NOL9: variants seen among roughly 807,000 people sequenced by gnomAD.
The protein encoded by NOL9 is nucleolar protein 9.
A neutral mutation model predicts 67.9 loss-of-function variants in NOL9; 28 were observed. The ratio of observed to expected loss-of-function variants is 0.41; its 90% CI spans 0.31 to 0.57. The LOEUF is 0.57. NOL9 is among the 20% of genes least tolerant of loss of function. The pLI is 0.25. For missense variants in NOL9, 777 were observed against 897.0 expected, an observed-to-expected ratio of 0.87 and a Z score of 1.71; for synonymous variants, 356 against 352.2, an observed-to-expected ratio of 1.01 and a Z score of -0.12.
chr1:6,531,358 C>T (rs1407940550), intron 9 of NOL9, among the ~76,000 whole-genome samples: 1 of 152,060 alleles, frequency 6.6e-6, no homozygotes, highest in East Asian at 1.9e-4. Context: ...GGACTATAGG[C>T]ACGTGCCACC....
chr1:6,549,937 A>G lies in NOL9; in HGVS notation c.617-239T>C, dbSNP rs533910940. On this transcript the variant is annotated intron_variant, in intron 2 of 11. Coordinates refer to ENST00000377705, the MANE Select transcript of NOL9 (RefSeq NM_024654.5). ...AATTTTTCTTGTCAGTAAAATGGTG[A>G]TAACAATAGTACTTTCACTCTCAGG... 9.8e-5 allele frequency among the ~76,000 whole-genome samples: 15 copies of G among 152,328 alleles called. No homozygotes were observed. In the East Asian group the frequency reaches 2.5e-3, roughly 25 times the overall value.
At chr1:6,552,728 C>T (rs1185502801) in intron 1 of NOL9, among the ~76,000 whole-genome samples, 2 of 151,040 alleles carry the variant, frequency 1.3e-5, no homozygotes, top group Admixed American at 1.3e-4. Flanking sequence ...CCTCAGCCTC[C>T]AAAAGTGCTG....
At chr1:6,550,962 C>T (rs1391267550) in intron 1 of NOL9, among the ~76,000 whole-genome samples, 11 of 152,058 alleles carry the variant, frequency 7.2e-5, no homozygotes, top group Non-Finnish European at 1.6e-4. Context: ...GGATTACAGG[C>T]GTGCGCCACC....
intron 3 of NOL9, among the ~76,000 whole-genome samples, chr1:6,546,240 A>G (rs1639419920): frequency 6.6e-6 from 1 of 152,220 alleles, no homozygotes; most frequent in African/African-American, 2.4e-5. Flanking sequence ...GTGAAGTCCC[A>G]GAAAAACAGA....
intron 5 of NOL9, among the ~76,000 whole-genome samples, chr1:6,544,544 C>CGCACGCACGCACGCACGCACA (rs61278197): frequency 5.9e-5 from 7 of 118,666 alleles, no homozygotes; most frequent in Non-Finnish European, 1.1e-4. Context: ...CACACACGCA[C>CGCACGCACGCACGCACGCACA]CCCCCCCCCG....
At chr1:6,537,455 C>T (rs1168615900) in intron 6 of NOL9, among the ~76,000 whole-genome samples, 1 of 152,070 alleles carries the variant, frequency 6.6e-6, no homozygotes, top group Non-Finnish European at 1.5e-5. Flanking sequence ...TGGGAGAAAA[C>T]ATCTGTAAAT....
intron 6 of NOL9, among the ~76,000 whole-genome samples, chr1:6,534,781 CTG>C (rs1639111718): frequency 6.6e-6 from 1 of 152,034 alleles, no homozygotes; most frequent in Non-Finnish European, 1.5e-5. Flanking sequence ...TCATGGCTCT[CTG>C]TCTCTCTCTC....
In NOL9 at chr1:6,525,403, G is replaced by T. The variant is rs114036210; in HGVS notation, c.*451C>A. The T allele has an allele frequency of 0.019, 3,519 of 181,042 alleles. 132 individuals carry two copies. The highest frequency in any genetic ancestry group is 0.078 in the African/African-American group (3,267 of 41,940). The allele number at this position is 181,042 out of a possible 1,614,324, so 11.2% of individuals were successfully genotyped here. ...CTGGCTCCAAGGAAGCAGACCGCTGGACCCCAGCTCTGCACATGGCTCAGG... is the reference window on the plus strand; with the variant it reads ...CTGGCTCCAAGGAAGCAGACCGCTGTACCCCAGCTCTGCACATGGCTCAGG... On this transcript the variant is annotated 3_prime_UTR_variant, in exon 12 of 12. Coordinates refer to ENST00000377705, the MANE Select transcript of NOL9 (RefSeq NM_024654.5).
chr1:6,550,350 C>T lies in NOL9; in HGVS notation c.616+46G>A, dbSNP rs1639518692. ...CTGGCCCTAAAAATTATGAATTAGC[C>T]TTATTACAGTAGGCCCTCAGTAAAT... is the stretch of plus-strand genomic sequence containing the variant. On this transcript the variant is annotated intron_variant, in intron 2 of 11. Transcript: ENST00000377705. The T allele has an allele frequency of 2.6e-6, 4 of 1,540,776 alleles. No homozygotes were observed. The South Asian group carries it at 3.4e-5, about 13-fold the overall frequency.
chr1:6,527,018 G>A (rs1638901141), intron 10 of NOL9, among the ~76,000 whole-genome samples, 189 bp from the exon 11 acceptor site: 1 of 152,184 alleles, frequency 6.6e-6, no homozygotes, highest in Non-Finnish European at 1.5e-5. Flanking sequence ...GGCCGAGGCG[G>A]GTGGACTACC....
intron 9 of NOL9, 32 bp from the exon 10 acceptor site, chr1:6,529,203 A>G: frequency 6.3e-7 from 1 of 1,592,722 alleles, no homozygotes; most frequent in Non-Finnish European, 8.6e-7. Context: ...CACTCTATTC[A>G]TGGCTACTTT....
At chr1:6,550,176 C>T (rs547983626) in intron 2 of NOL9, among the ~76,000 whole-genome samples, 1 of 152,194 alleles carries the variant, frequency 6.6e-6, no homozygotes, top group Admixed American at 6.5e-5. Flanking sequence ...GGACTACAGG[C>T]GCCTGCCACC....
At chr1:6,533,011 C>A (rs1570047773) in intron 7 of NOL9, among the ~76,000 whole-genome samples, 1 of 152,272 alleles carries the variant, frequency 6.6e-6, no homozygotes, top group South Asian at 2.1e-4. Flanking sequence ...CCCATCTTTA[C>A]TAAAACTACA....
At chr1:6,539,019 A>C (rs1299705333) in intron 6 of NOL9, among the ~76,000 whole-genome samples, 1 of 152,188 alleles carries the variant, frequency 6.6e-6, no homozygotes, top group African/African-American at 2.4e-5. Flanking sequence ...CAAGGACTGG[A>C]ACAGACATTT....
At chr1:6,526,150 A>C (rs2148647617) in intron 11 of NOL9, 147 bp from the exon 12 acceptor site, 1 of 694,450 alleles carries the variant, frequency 1.4e-6, no homozygotes, top group East Asian at 2.6e-5. Context: ...CCCTTCCTTC[A>C]GAGCCCCCTT....
intron 8 of NOL9, 105 bp from the exon 9 acceptor site, chr1:6,532,184 C>A: frequency 1.1e-6 from 1 of 895,242 alleles, no homozygotes; most frequent in Non-Finnish European, 1.8e-6. Context: ...CTGGGCTTTC[C>A]AACACTGCCC....
Position 6,554,256 on chromosome 1 carries a change from G to C in NOL9, c.247C>G (p.Pro83Ala). ...AAARRPNTAT[P>A]SPIPSPTPAS... ...GGGGTCGGGCTAGGGATCGGGCTGG[G>C]GGTCGCGGTGTTGGGTCTCCGGGCC... The change falls in exon 1 of 12, where the codon CCC becomes GCC. Residue 83 changes from proline (P) to alanine (A), a missense_variant. Physicochemically the swap from Pro to Ala is conservative, Grantham distance 27 (BLOSUM62 -1). Coordinates refer to ENST00000377705, the MANE Select transcript of NOL9 (RefSeq NM_024654.5). The C allele has an allele frequency of 1.3e-6, 2 of 1,491,472 alleles. No individual in the cohort carries two copies. Among genetic ancestry groups the C allele is most frequent in the Non-Finnish European group, 1.8e-6 (2 of 1,121,584 alleles). 92.4% of individuals were successfully genotyped at this position (1,491,472 alleles called of 1,614,324 possible). A position where few individuals can be genotyped will look rare whatever the true frequency, so the allele number is the denominator to read the frequency against.
In NOL9 at chr1:6,526,842, C is replaced by T. The variant is rs150423525; in HGVS notation, c.1826-13G>A. The T allele has an allele frequency of 9.9e-4, 1,563 of 1,573,450 alleles. 28 individuals are homozygous for T. The East Asian group carries it at 0.031, about 32-fold the overall frequency. Reference sequence around the variant, plus strand: ...CCTCTACAGATGCCTTCAAGACACGCGCACAACACAAAAATCACCCTTTTG... The same window carrying T: ...CCTCTACAGATGCCTTCAAGACACGTGCACAACACAAAAATCACCCTTTTG... On this transcript the variant is annotated splice_polypyrimidine_tract_variant and intron_variant, in intron 10 of 11. Transcript: ENST00000377705.
chr1:6,541,463 T>C (rs2148657937), intron 6 of NOL9, among the ~76,000 whole-genome samples: 1 of 152,324 alleles, frequency 6.6e-6, no homozygotes, highest in East Asian at 1.9e-4. Flanking sequence ...ATTACAAGTG[T>C]GAGCCACCAC....
Sources: gnomAD v4.1 joint callset for allele counts (sites outside exome capture counted in the v4.1 genomes callset) on GRCh38, gnomAD v4.1.1 for gene constraint, MANE v1.5 for transcripts, NCBI Gene and HGNC (gene_info 2026-07-23, HGNC 2026-07-21) for gene names.